LPP: variants seen among roughly 807,000 people sequenced by gnomAD.
The protein encoded by LPP is LIM domain containing preferred translocation partner in lipoma, also known as lipoma-preferred partner.
A neutral mutation model predicts 60.4 loss-of-function variants in LPP; 38 were observed. That is an observed-to-expected ratio of 0.63 (90% CI 0.49 to 0.83). The LOEUF is 0.83. Among genes scored for constraint, LPP ranks in the 40% least tolerant of loss-of-function variants. LPP has a pLI of 0.00. For synonymous variants in LPP, 328 were observed against 290.8 expected, an observed-to-expected ratio of 1.13 and a Z score of -1.30; for missense variants, 902 against 783.6, an observed-to-expected ratio of 1.15 and a Z score of -1.80.
intron 4 of LPP, among the ~76,000 whole-genome samples, chr3:188,420,460 T>G (rs1354655420): frequency 4.6e-5 from 7 of 152,218 alleles, no homozygotes; most frequent in Non-Finnish European, 1.0e-4. Context: ...AAATGTCAGT[T>G]GCTACAGAGA....
rs989605045 is a variant in LPP, at chr3:188,874,718, A to C, written c.*239A>C. ...TTCCCAAGGACTTCCACATTTTTGC[A>C]CAGATTATGCTCCATCCCATTCACT... On this transcript the variant is annotated 3_prime_UTR_variant, in exon 12 of 12. Transcript: ENST00000617246. 50 of 455,992 alleles carry C rather than the reference A, an allele frequency of 1.1e-4. No homozygotes were observed. Among genetic ancestry groups the C allele is most frequent in the African/African-American group, 8.8e-4 (46 of 52,304 alleles). 28.2% of individuals were successfully genotyped at this position (455,992 alleles called of 1,614,324 possible).
intron 8 of LPP, among the ~76,000 whole-genome samples, chr3:188,730,075 A>T (rs923292796): frequency 1.3e-5 from 2 of 152,248 alleles, no homozygotes; most frequent in African/African-American, 4.8e-5. Context: ...ATATACACAC[A>T]TATAGATTTA....
In LPP at chr3:188,757,315, A is replaced by G. The variant is rs534073858; in HGVS notation, c.1241-2798A>G. ...TAGATATTTGAGGTTGAATAGATGG[A>G]CCATTTCAAAGCTTATCTTTTCAGC... On this transcript the variant is annotated intron_variant, in intron 8 of 11. Coordinates refer to ENST00000617246, the MANE Select transcript of LPP (RefSeq NM_001375462.1). Among the ~76,000 whole-genome samples, 473 of 152,274 alleles carry G rather than the reference A, an allele frequency of 3.1e-3. 1 individual carries two copies. The highest frequency in any genetic ancestry group is 0.011 in the African/African-American group (459 of 41,544).
At chr3:188,704,703 T>G (rs1865131955) in intron 7 of LPP, among the ~76,000 whole-genome samples, 1 of 152,180 alleles carries the variant, frequency 6.6e-6, no homozygotes. Context: ...TTCCCCGTGG[T>G]CTGTGAACTT....
chr3:188,878,344 C>A lies in LPP; in HGVS notation c.*3865C>A. The A allele has an allele frequency of 4.5e-6, 1 of 220,014 alleles. No homozygotes were observed. The highest frequency in any genetic ancestry group is 9.1e-6 in the Non-Finnish European group (1 of 109,512). The allele number at this position is 220,014 out of a possible 1,614,324, so 13.6% of individuals were successfully genotyped here. ...CTGATGTAACCTCAAAGCCTCTCAC[C>A]ATTCCTCTTGGCTTGGAAAGGCTTT... On this transcript the variant is annotated 3_prime_UTR_variant, in exon 12 of 12. Transcript: ENST00000617246.
intron 3 of LPP, among the ~76,000 whole-genome samples, chr3:188,390,363 A>G (rs531311715): frequency 1.3e-5 from 2 of 152,208 alleles, no homozygotes; most frequent in South Asian, 2.1e-4. Context: ...AAAAAGTACT[A>G]TTTATAGCTT....
Position 188,694,490 on chromosome 3 carries a change from G to A in LPP, c.1114-13777G>A, listed in dbSNP as rs71308929. Among the ~76,000 whole-genome samples, 666 of 152,012 alleles carry A rather than the reference G, an allele frequency of 4.4e-3. 4 individuals are homozygous for A. The highest frequency in any genetic ancestry group is 7.9e-3 in the Non-Finnish European group (536 of 67,966). ...GGCAGAGGCAGGTGGATCACCTGAGGTTGGGAGTTGGAGACCATCCTGACC... is the reference window on the plus strand; with the variant it reads ...GGCAGAGGCAGGTGGATCACCTGAGATTGGGAGTTGGAGACCATCCTGACC... On this transcript the variant is annotated intron_variant, in intron 7 of 11. Transcript: ENST00000617246.
intron 2 of LPP, among the ~76,000 whole-genome samples, chr3:188,300,571 G>C (rs1325135591): frequency 6.6e-6 from 1 of 151,448 alleles, no homozygotes; most frequent in Non-Finnish European, 1.5e-5. Context: ...CTCAGTTAAG[G>C]TAAAAAGGTC....
At chr3:188,765,952 T>A (rs1234592915) in intron 9 of LPP, among the ~76,000 whole-genome samples, 1 of 135,886 alleles carries the variant, frequency 7.4e-6, no homozygotes, top group East Asian at 2.4e-4. Context: ...CTCACTGCAA[T>A]CTCCACCTCC....
chr3:188,861,551 T>C (rs1765197542), intron 9 of LPP, among the ~76,000 whole-genome samples: 1 of 152,204 alleles, frequency 6.6e-6, no homozygotes, highest in Non-Finnish European at 1.5e-5. Flanking sequence ...CTATGTAATA[T>C]GTAAATAATG....
At chr3:188,317,645 A>G (rs1755483121) in intron 2 of LPP, among the ~76,000 whole-genome samples, 1 of 152,190 alleles carries the variant, frequency 6.6e-6, no homozygotes, top group African/African-American at 2.4e-5. Context: ...CTAAAGTTAT[A>G]TTTAGTGTAG....
chr3:188,243,917 G>A (rs372433698), intron 2 of LPP, among the ~76,000 whole-genome samples: 3 of 151,656 alleles, frequency 2.0e-5, no homozygotes, highest in East Asian at 1.9e-4. Context: ...GCTCTGTCGC[G>A]CAGGCTGGAG....
chr3:188,783,999 T>G (rs1293552107), intron 9 of LPP, among the ~76,000 whole-genome samples: 1 of 152,118 alleles, frequency 6.6e-6, no homozygotes, highest in African/African-American at 2.4e-5. Context: ...TAGTGGTGAT[T>G]TGTGAGATTT....
At chr3:188,280,832 CA>C (rs1741725021) in intron 2 of LPP, among the ~76,000 whole-genome samples, 1 of 152,002 alleles carries the variant, frequency 6.6e-6, no homozygotes, top group Non-Finnish European at 1.5e-5. Flanking sequence ...GAGTCCAGGT[CA>C]TTGTATACAA....
At chr3:188,286,179 G>A (rs373772141) in intron 2 of LPP, among the ~76,000 whole-genome samples, 1 of 152,164 alleles carries the variant, frequency 6.6e-6, no homozygotes, top group Non-Finnish European at 1.5e-5. Flanking sequence ...CCATGCCTGG[G>A]ACTTTCCCAG....
intron 6 of LPP, among the ~76,000 whole-genome samples, chr3:188,574,834 C>T (rs763514839): frequency 6.6e-6 from 1 of 151,780 alleles, no homozygotes; most frequent in Non-Finnish European, 1.5e-5. Flanking sequence ...AAAGTGATAC[C>T]CTCCTCCTGA....
Position 188,854,210 on chromosome 3 carries a change from T to C in LPP, c.1411-11990T>C, listed in dbSNP as rs146634824. Among the ~76,000 whole-genome samples the C allele has an allele frequency of 2.0e-3, 298 of 152,366 alleles. 2 individuals carry two copies. Among genetic ancestry groups the C allele is most frequent in the African/African-American group, 6.7e-3 (278 of 41,586 alleles). On this transcript the variant is annotated intron_variant, in intron 9 of 11. Transcript: ENST00000617246. ...AGCAGTTATAGAATGGAAAACCCTA[T>C]ACTCCCTGGCTGTGCGTTTCATACC... is the stretch of plus-strand genomic sequence containing the variant.
intron 4 of LPP, among the ~76,000 whole-genome samples, chr3:188,466,038 G>T (rs1800286911): frequency 6.6e-6 from 1 of 152,146 alleles, no homozygotes; most frequent in African/African-American, 2.4e-5. Context: ...GCAGGAAGAA[G>T]GGGCAAGATT....
chr3:188,325,722 T>C (rs1314836814), intron 2 of LPP, among the ~76,000 whole-genome samples: 2 of 152,216 alleles, frequency 1.3e-5, no homozygotes, highest in Non-Finnish European at 2.9e-5. Context: ...TTTATTTGGA[T>C]TATTTCATTC....
Sources: gnomAD v4.1 joint callset for allele counts (sites outside exome capture counted in the v4.1 genomes callset) on GRCh38, gnomAD v4.1.1 for gene constraint, MANE v1.5 for transcripts, NCBI Gene and HGNC (gene_info 2026-07-23, HGNC 2026-07-21) for gene names.